MSRA: variants seen among roughly 807,000 people sequenced by gnomAD.
MSRA encodes the protein methionine sulfoxide reductase A.
MSRA carries 54 observed loss-of-function variants against 31.3 expected under a neutral mutation model. The observed-to-expected ratio is 1.73, with a 90% confidence interval of 1.39 to 2.17. The LOEUF (loss-of-function observed/expected upper bound fraction) is 2.17, where lower values mean the gene tolerates loss of function less well. Among genes scored for constraint, MSRA ranks in the 30% most tolerant of loss-of-function variants. The pLI, the probability that MSRA is intolerant of heterozygous loss-of-function variation, is 0.00. For missense variants in MSRA, 507 were observed against 300.9 expected (o/e 1.69, Z -5.07); for synonymous variants, 169 against 116.5 (o/e 1.45, Z -2.90).
intron 1 of MSRA, chr8:10,095,464 C>A (rs1015188185): frequency 4.1e-5 from 40 of 985,214 alleles, no homozygotes; most frequent in Non-Finnish European, 4.7e-5. Context: ...CCGCAAAGGA[C>A]ATCTTTTGGA....
intron 5 of MSRA, among the ~76,000 whole-genome samples, chr8:10,362,749 G>A (rs926203380): frequency 6.6e-6 from 1 of 152,020 alleles, no homozygotes; most frequent in Admixed American, 6.6e-5. Context: ...CGAGCTGCCT[G>A]CTGGTCCTGA....
intron 1 of MSRA, among the ~76,000 whole-genome samples, chr8:10,107,897 G>A (rs935676907): frequency 3.9e-5 from 6 of 152,162 alleles, no homozygotes; most frequent in Admixed American, 3.9e-4. Context: ...TCCAGAGAGA[G>A]CATCCCTAAT....
intron 3 of MSRA, among the ~76,000 whole-genome samples, chr8:10,256,771 C>A (rs371980565): frequency 1.3e-5 from 2 of 151,966 alleles, no homozygotes; most frequent in Non-Finnish European, 2.9e-5. Context: ...TTTCTCTGTC[C>A]CCCCGAGGCG....
chr8:10,428,073 G>A lies in MSRA; in HGVS notation c.544-75G>A, dbSNP rs1400353810. On this transcript the variant is annotated intron_variant, in intron 5 of 5. Transcript: ENST00000317173. ...CACGCGTCTGCTCACTGCAGCCCTG[G>A]CCCCTCAGTGCCACCCCTCGCAGGT... 3.3e-6 allele frequency: 5 copies of A among 1,510,776 alleles called. No individual in the cohort carries two copies. The South Asian group carries it at 4.0e-5, about 12-fold the overall frequency. The allele number at this position is 1,510,776 out of a possible 1,614,324, so 93.6% of individuals were successfully genotyped here.
At chr8:10,385,879 G>C (rs1806360390) in intron 5 of MSRA, among the ~76,000 whole-genome samples, 1 of 152,086 alleles carries the variant, frequency 6.6e-6, no homozygotes, top group Admixed American at 6.5e-5. Flanking sequence ...CCCAGGAAGA[G>C]GAAACTGCCT....
chr8:10,256,182 G>C (rs946838109), intron 3 of MSRA, among the ~76,000 whole-genome samples: 1 of 152,138 alleles, frequency 6.6e-6, no homozygotes, highest in Non-Finnish European at 1.5e-5. Context: ...GAGTCTTCAT[G>C]TGTTTGCCTT....
At chr8:10,277,519 A>G (rs568299929) in intron 3 of MSRA, among the ~76,000 whole-genome samples, 27 of 152,332 alleles carry the variant, frequency 1.8e-4, no homozygotes, top group Non-Finnish European at 2.9e-4. Context: ...ACCCCCATTT[A>G]CAAAGTGTGT....
At chr8:10,120,899 G>A (rs1228407617) in intron 1 of MSRA, among the ~76,000 whole-genome samples, 1 of 152,166 alleles carries the variant, frequency 6.6e-6, no homozygotes, top group Non-Finnish European at 1.5e-5. Context: ...AGAGTCTCCT[G>A]TGTGTGTTCC....
intron 2 of MSRA, among the ~76,000 whole-genome samples, chr8:10,239,562 T>G (rs773565431): frequency 1.3e-5 from 2 of 152,222 alleles, no homozygotes; most frequent in Non-Finnish European, 2.9e-5. Context: ...CTACACTGCT[T>G]ATAGGACGAT....
intron 5 of MSRA, among the ~76,000 whole-genome samples, chr8:10,329,323 C>A (rs1020041729): frequency 6.6e-6 from 1 of 152,192 alleles, no homozygotes; most frequent in Non-Finnish European, 1.5e-5. Context: ...AGAATCCCTC[C>A]CCGGATCTTC....
chr8:10,081,959 G>A lies in MSRA; in HGVS notation c.142+27301G>A, dbSNP rs184650684. Among the ~76,000 whole-genome samples, 859 of 152,270 alleles carry A rather than the reference G, an allele frequency of 5.6e-3. 19 individuals are homozygous for A. The highest frequency in any genetic ancestry group is 0.045 in the Admixed American group (687 of 15,302). ...TGGCTCATGCCTGTGTCCCAGCGCT[G>A]TGAGGGCCAAGGCAAGAGGACTGCT... On this transcript the variant is annotated intron_variant, in intron 1 of 5. Coordinates refer to ENST00000317173, the MANE Select transcript of MSRA (RefSeq NM_012331.5).
At chr8:10,375,267 G>T (rs1444135710) in intron 5 of MSRA, among the ~76,000 whole-genome samples, 1 of 152,176 alleles carries the variant, frequency 6.6e-6, no homozygotes, top group East Asian at 1.9e-4. Context: ...GCTGGCGTCT[G>T]CTGGGTAGCA....
chr8:10,231,279 T>C (rs1811452292), intron 2 of MSRA, among the ~76,000 whole-genome samples: 1 of 151,846 alleles, frequency 6.6e-6, no homozygotes, highest in Admixed American at 6.6e-5. Flanking sequence ...AGAAAGTACA[T>C]AAAATTTGAG....
chr8:10,246,425 T>A (rs916943488), intron 3 of MSRA, among the ~76,000 whole-genome samples: 1 of 152,240 alleles, frequency 6.6e-6, no homozygotes, highest in Non-Finnish European at 1.5e-5. Context: ...TAAAAAAAAT[T>A]ATATTCACCA....
chr8:10,093,713 C>T (rs1026009052), intron 1 of MSRA, among the ~76,000 whole-genome samples: 5 of 152,148 alleles, frequency 3.3e-5, no homozygotes, highest in South Asian at 4.1e-4. Flanking sequence ...TTTATACTTA[C>T]TCCTATATTT....
intron 3 of MSRA, among the ~76,000 whole-genome samples, chr8:10,265,036 T>A (rs1372718832): frequency 6.6e-6 from 1 of 152,154 alleles, no homozygotes; most frequent in African/African-American, 2.4e-5. Context: ...GAGGTATTTG[T>A]CTTTAATTCA....
chr8:10,274,268 G>A (rs1267139765), intron 3 of MSRA, among the ~76,000 whole-genome samples: 1 of 152,164 alleles, frequency 6.6e-6, no homozygotes, highest in South Asian at 2.1e-4. Flanking sequence ...GTGGGCCAGG[G>A]GAGCAGGTCC....
intron 5 of MSRA, among the ~76,000 whole-genome samples, chr8:10,371,076 A>G (rs879661233): frequency 6.6e-6 from 1 of 152,118 alleles, no homozygotes; most frequent in Non-Finnish European, 1.5e-5. Context: ...ATGCTAACCC[A>G]CTGCACCCCT....
chr8:10,272,235 G>A (rs537650351), intron 3 of MSRA, among the ~76,000 whole-genome samples: 1 of 152,150 alleles, frequency 6.6e-6, no homozygotes, highest in Non-Finnish European at 1.5e-5. Context: ...TGAGTTGATC[G>A]ATCTAGAGGT....
Sources: allele counts gnomAD v4.1 joint callset (sites outside exome capture counted in the v4.1 genomes callset), GRCh38; gene constraint gnomAD v4.1.1; transcripts MANE v1.5; gene names NCBI Gene and HGNC (gene_info 2026-07-23, HGNC 2026-07-21).